NECTIN3: variants seen among roughly 807,000 people sequenced by gnomAD.
NECTIN3 encodes nectin-3.
Under a neutral mutation model 49.4 loss-of-function variants are expected in NECTIN3, and 8 were observed. The ratio of observed to expected loss-of-function variants is 0.16; its 90% CI spans 0.10 to 0.29. NECTIN3 has a LOEUF of 0.29. Ranked by LOEUF, NECTIN3 falls within the 10% of genes least tolerant of loss-of-function variation. The pLI is 1.00. For missense variants in NECTIN3, 581 were observed against 654.6 expected (o/e 0.89, Z 1.23); for synonymous variants, 277 against 241.1 (o/e 1.15, Z -1.38).
rs769544174 is a variant in NECTIN3, at chr3:111,118,698, T to C, written c.545T>C (p.Ile182Thr). Residue 182 changes from isoleucine (I) to threonine (T), a missense_variant, in exon 3 of 6, where the codon ATT becomes ACT. Transcript: ENST00000485303. ...VSLIKGPDSL[I>T]DGGNETVAAI... ...CTGATAAAAGGGCCAGATTCTTTAA[T>C]TGATGGAGGAAATGAAACAGTAGCA... 2 of 1,612,776 alleles carry C rather than the reference T, an allele frequency of 1.2e-6. No homozygotes were observed. Among genetic ancestry groups the C allele is most frequent in the South Asian group, 2.2e-5 (2 of 90,882 alleles).
chr3:111,120,008 A>G (rs953422166), intron 3 of NECTIN3, among the ~76,000 whole-genome samples: 8 of 152,184 alleles, frequency 5.3e-5, no homozygotes, highest in African/African-American at 9.7e-5. Context: ...TTGAAAAGCT[A>G]TAGTTTAAAA....
chr3:111,121,293 G>A (rs957213311), intron 3 of NECTIN3, among the ~76,000 whole-genome samples: 9 of 151,764 alleles, frequency 5.9e-5, no homozygotes, highest in Non-Finnish European at 7.4e-5. Flanking sequence ...GATTACAGGC[G>A]TGAGCCCCCG....
chr3:111,094,512 G>T (rs1374514395), intron 1 of NECTIN3, among the ~76,000 whole-genome samples: 2 of 152,122 alleles, frequency 1.3e-5, no homozygotes, highest in Admixed American at 6.6e-5. Flanking sequence ...CTCAGATTCA[G>T]TAATTCTCTG....
At chr3:111,111,211 T>G (rs2033445877) in intron 1 of NECTIN3, among the ~76,000 whole-genome samples, 1 of 152,180 alleles carries the variant, frequency 6.6e-6, no homozygotes, top group Non-Finnish European at 1.5e-5. Flanking sequence ...TAGTCATGAA[T>G]GTTAGCTTTA....
At chr3:111,139,403 C>T (rs1269390099), downstream of NECTIN3, among the ~76,000 whole-genome samples, 1 of 151,620 alleles carries the variant, frequency 6.6e-6, no homozygotes, top group Non-Finnish European at 1.5e-5. Flanking sequence ...TAAATTTTTC[C>T]AGTTTAAATT....
intron 7 of NECTIN3, among the ~76,000 whole-genome samples, chr3:111,153,339 A>G (rs892621605): frequency 3.9e-5 from 6 of 151,944 alleles, no homozygotes; most frequent in Admixed American, 3.9e-4. Context: ...GGGCCCTTCA[A>G]AGCAAAAAGA....
chr3:111,135,739 T>C lies in NECTIN3; in HGVS notation c.*1524T>C. 1.0e-6 allele frequency: 1 copy of C among 962,492 alleles called. No individual in the cohort carries two copies. Among genetic ancestry groups the C allele is most frequent in the Non-Finnish European group, 1.2e-6 (1 of 809,388 alleles). 59.6% of individuals were successfully genotyped at this position (962,492 alleles called of 1,614,324 possible). The stretch of plus-strand genomic sequence containing the variant: ...CAATATTCATCAAATCTAAAACATT[T>C]AGGGGGCAAAATTCTAACATGTTCA... On this transcript the variant is annotated 3_prime_UTR_variant, in exon 6 of 6. Coordinates refer to ENST00000485303, the MANE Select transcript of NECTIN3 (RefSeq NM_015480.3).
chr3:111,086,349 G>T (rs184328449), intron 1 of NECTIN3, among the ~76,000 whole-genome samples: 4 of 152,076 alleles, frequency 2.6e-5, no homozygotes, highest in Non-Finnish European at 4.4e-5. Context: ...TTTTGTTTAG[G>T]AAATCTTTCT....
intron 7 of NECTIN3, among the ~76,000 whole-genome samples, chr3:111,174,011 A>G (rs548796682): frequency 3.9e-5 from 6 of 151,980 alleles, no homozygotes; most frequent in Non-Finnish European, 7.4e-5. Context: ...CTCTCACTGT[A>G]TTGCTTTCAC....
At position 111,101,268 on chromosome 3, in the gene NECTIN3, A is replaced by G. The variant is rs552426225; in HGVS notation, c.161-10762A>G. Among the ~76,000 whole-genome samples, 4 of 152,254 alleles carry G rather than the reference A, an allele frequency of 2.6e-5. No homozygotes were observed. In the East Asian group the frequency reaches 5.8e-4, roughly 22 times the overall value. Reference sequence around the variant, plus strand: ...CAAGATACTGTCCTTATTTGAAATTAAAACATAGCAATTGTTTGAGAATAG... The same window carrying G: ...CAAGATACTGTCCTTATTTGAAATTGAAACATAGCAATTGTTTGAGAATAG... On this transcript the variant is annotated intron_variant, in intron 1 of 5. Transcript: ENST00000485303.
At chr3:111,183,312 T>A (rs1017056156) in intron 7 of NECTIN3, among the ~76,000 whole-genome samples, 6 of 151,126 alleles carry the variant, frequency 4.0e-5, no homozygotes, top group African/African-American at 7.3e-5. Flanking sequence ...TCTATTTCAC[T>A]ATTTTTTTTT....
intron 1 of NECTIN3, among the ~76,000 whole-genome samples, chr3:111,109,807 A>G (rs1049960318): frequency 6.6e-6 from 1 of 151,968 alleles, no homozygotes; most frequent in South Asian, 2.1e-4. Context: ...TTTTAAAAAA[A>G]TTTTATCAGG....
At chr3:111,185,780 A>G (rs1050259404) in intron 7 of NECTIN3, among the ~76,000 whole-genome samples, 2 of 152,242 alleles carry the variant, frequency 1.3e-5, no homozygotes, top group Non-Finnish European at 2.9e-5. Flanking sequence ...AATTTCAACA[A>G]GAATCCTAGG....
chr3:111,099,159 A>G (rs2032759799), intron 1 of NECTIN3, among the ~76,000 whole-genome samples: 1 of 152,146 alleles, frequency 6.6e-6, no homozygotes, highest in Admixed American at 6.5e-5. Flanking sequence ...GATCTCCTAC[A>G]GCTTACAGAC....
At chr3:111,169,051 T>C (rs897816974) in intron 7 of NECTIN3, among the ~76,000 whole-genome samples, 1 of 151,696 alleles carries the variant, frequency 6.6e-6, no homozygotes, top group African/African-American at 2.4e-5. Context: ...GTAGCTTATC[T>C]TATACTAGTA....
chr3:111,101,799 A>G (rs1016083603), intron 1 of NECTIN3, among the ~76,000 whole-genome samples: 1 of 152,170 alleles, frequency 6.6e-6, no homozygotes, highest in Non-Finnish European at 1.5e-5. Flanking sequence ...TGTGCCAGAG[A>G]ATAATTACAA....
chr3:111,093,722 C>T (rs1270298902), intron 1 of NECTIN3, among the ~76,000 whole-genome samples: 1 of 152,132 alleles, frequency 6.6e-6, no homozygotes, highest in African/African-American at 2.4e-5. Context: ...AGGCATGAGC[C>T]ACCGTGCCTG....
chr3:111,132,332 A>C (rs1427959899), intron 5 of NECTIN3, among the ~76,000 whole-genome samples: 1 of 151,886 alleles, frequency 6.6e-6, no homozygotes, highest in Non-Finnish European at 1.5e-5. Context: ...ACCACATTCT[A>C]TACATATGGC....
At chr3:111,154,117 T>C (rs938279252) in intron 7 of NECTIN3, among the ~76,000 whole-genome samples, 2 of 152,168 alleles carry the variant, frequency 1.3e-5, no homozygotes, top group African/African-American at 4.8e-5. Flanking sequence ...ATTGTACATA[T>C]CCGTCATTTC....
Sources: gnomAD v4.1 joint callset for allele counts (sites outside exome capture counted in the v4.1 genomes callset) on GRCh38, gnomAD v4.1.1 for gene constraint, MANE v1.5 for transcripts, NCBI Gene and HGNC (gene_info 2026-07-23, HGNC 2026-07-21) for gene names.